The following UGT2B7 variants were observed in gnomAD, a reference collection of about 807,000 sequenced individuals.
UGT2B7 encodes UDP glucuronosyltransferase family 2 member B7.
A neutral mutation model predicts 51.9 loss-of-function variants in UGT2B7; 51 were observed. The ratio of observed to expected loss-of-function variants is 0.98; its 90% CI spans 0.78 to 1.24. UGT2B7 has a LOEUF of 1.24. UGT2B7 is among the 50% of genes most tolerant of loss of function. The probability of loss-of-function intolerance (pLI) is 0.00; values close to 1 mark genes in which losing one functional copy is unlikely to be tolerated. For synonymous variants in UGT2B7, 225 were observed against 211.6 expected (o/e 1.06, Z -0.55); for missense variants, 727 against 628.4 (o/e 1.16, Z -1.68).
intron 1 of UGT2B7, among the ~76,000 whole-genome samples, chr4:69,057,669 A>C (rs547574304): frequency 1.1e-4 from 17 of 152,308 alleles, no homozygotes; most frequent in African/African-American, 4.1e-4. Flanking sequence ...ACCGGGTCCG[A>C]CTGGTCTAAA....
At chr4:69,107,361 A>T (rs1460140819) in intron 4 of UGT2B7, 99 bp downstream of exon 4, 9 of 1,312,430 alleles carry the variant, frequency 6.9e-6, no homozygotes, top group Non-Finnish European at 9.4e-6. Flanking sequence ...TTGTTAAGGA[A>T]AAACAAAATG....
intron 1 of UGT2B7, among the ~76,000 whole-genome samples, chr4:69,061,391 A>G (rs1019624795): frequency 2.6e-5 from 4 of 152,244 alleles, no homozygotes; most frequent in African/African-American, 9.6e-5. Context: ...TTAGAGGCTA[A>G]AGGAAACAGA....
chr4:69,051,986 G>T (rs1488579411), intron 1 of UGT2B7, among the ~76,000 whole-genome samples: 1 of 152,024 alleles, frequency 6.6e-6, no homozygotes, highest in South Asian at 2.1e-4. Context: ...GTGGTGTTTT[G>T]CCTCGAAAAA....
At chr4:69,107,304 C>G (rs758119303) in intron 4 of UGT2B7, 42 bp downstream of exon 4, 3 of 1,539,534 alleles carry the variant, frequency 1.9e-6, no homozygotes, top group Non-Finnish European at 2.7e-6. Flanking sequence ...TTAGTAACAG[C>G]ACATTAGAGT....
intron 1 of UGT2B7, among the ~76,000 whole-genome samples, chr4:69,054,068 G>T (rs1718116082): frequency 1.3e-5 from 2 of 151,966 alleles, no homozygotes; most frequent in South Asian, 2.1e-4. Flanking sequence ...TCAATATTTT[G>T]GTAGATGACA....
chr4:69,055,784 T>C (rs531107864), intron 1 of UGT2B7, among the ~76,000 whole-genome samples: 203 of 152,292 alleles, frequency 1.3e-3, no homozygotes, highest in African/African-American at 4.8e-3. Context: ...ATCTCTAGGT[T>C]CTAAAAGTCT....
chr4:69,102,107 C>T (rs1300930615), intron 2 of UGT2B7, among the ~76,000 whole-genome samples: 2 of 152,160 alleles, frequency 1.3e-5, no homozygotes, highest in African/African-American at 4.8e-5. Flanking sequence ...ATAAATGAGA[C>T]TCCTGGACTA....
Position 69,098,687 on chromosome 4 carries a change from A to C in UGT2B7, c.869A>C (p.Lys290Thr). 2 of 1,607,642 alleles carry C rather than the reference A, an allele frequency of 1.2e-6. No homozygotes were observed. Among genetic ancestry groups the C allele is most frequent in the Non-Finnish European group, 1.7e-6 (2 of 1,177,972 alleles). ...LHCKPAKPLPKEMEDFVQSSG... is the reference protein window; with the variant it reads ...LHCKPAKPLPTEMEDFVQSSG... ...TGCAAACCTGCCAAACCCCTGCCTAAGGTAAACATACTTTTGTTGGTTTTA... is the reference window on the plus strand; with the variant it reads ...TGCAAACCTGCCAAACCCCTGCCTACGGTAAACATACTTTTGTTGGTTTTA... Residue 290 changes from lysine (K) to threonine (T), a missense_variant and splice_region_variant, in exon 2 of 6, where the codon AAG (lysine) becomes ACG (threonine). Lys to Thr is a moderately conservative substitution (Grantham distance 78). Transcript: ENST00000305231.
At chr4:69,099,503 T>C (rs1719359760) in intron 2 of UGT2B7, among the ~76,000 whole-genome samples, 1 of 151,996 alleles carries the variant, frequency 6.6e-6, no homozygotes, top group Non-Finnish European at 1.5e-5. Flanking sequence ...ATGGATTAAA[T>C]TGCAGGAGGG....
chr4:69,104,430 G>T (rs1719530665), intron 3 of UGT2B7, among the ~76,000 whole-genome samples: 1 of 151,792 alleles, frequency 6.6e-6, no homozygotes, highest in Admixed American at 6.6e-5. Context: ...TTCCCGTATG[G>T]TTAGTTTTTT....
chr4:69,078,971 G>A (rs949855428), intron 1 of UGT2B7, among the ~76,000 whole-genome samples: 11 of 152,134 alleles, frequency 7.2e-5, no homozygotes, highest in Admixed American at 2.0e-4. Flanking sequence ...CACAAAGCAA[G>A]ACTACTGGGC....
upstream of UGT2B7, among the ~76,000 whole-genome samples, chr4:69,095,898 C>G (rs968027269): frequency 2.0e-5 from 3 of 152,002 alleles, no homozygotes; most frequent in African/African-American, 7.3e-5. Context: ...ATAGGCAAAT[C>G]TATAGAGATA....
intron 1 of UGT2B7, among the ~76,000 whole-genome samples, chr4:69,061,548 G>A (rs1295023944): frequency 6.6e-6 from 1 of 152,204 alleles, no homozygotes. Context: ...ATTTGCCCAG[G>A]AAAATGGGAA....
At chr4:69,082,853 T>C (rs1285410084) in intron 1 of UGT2B7, among the ~76,000 whole-genome samples, 1 of 152,104 alleles carries the variant, frequency 6.6e-6, no homozygotes, top group Non-Finnish European at 1.5e-5. Context: ...CATCTGAGAC[T>C]TTGATAGCTA....
chr4:69,094,502 C>T (rs1719167817), upstream of UGT2B7, among the ~76,000 whole-genome samples: 1 of 152,154 alleles, frequency 6.6e-6, no homozygotes, highest in Non-Finnish European at 1.5e-5. Flanking sequence ...CATATTAAGT[C>T]TGCAATAATA....
chr4:69,064,971 A>G (rs1330480509), intron 1 of UGT2B7, among the ~76,000 whole-genome samples: 4 of 152,128 alleles, frequency 2.6e-5, no homozygotes, highest in Non-Finnish European at 5.9e-5. Flanking sequence ...AACAGATATC[A>G]CCAAATTCTG....
intron 2 of UGT2B7, 146 bp from the exon 3 acceptor site, chr4:69,102,661 G>A: frequency 7.9e-7 from 1 of 1,265,640 alleles, no homozygotes; most frequent in Non-Finnish European, 1.1e-6. Context: ...AAAAAACTGA[G>A]TGATTGGGTC....
At chr4:69,098,950 C>T (rs538300850) in intron 2 of UGT2B7, among the ~76,000 whole-genome samples, 10 of 151,732 alleles carry the variant, frequency 6.6e-5, no homozygotes, top group Non-Finnish European at 1.3e-4. Flanking sequence ...TATGCAATAC[C>T]TAAGAAGGTA....
chr4:69,080,765 T>G (rs1178276309), intron 1 of UGT2B7, among the ~76,000 whole-genome samples: 1 of 152,096 alleles, frequency 6.6e-6, no homozygotes, highest in African/African-American at 2.4e-5. Flanking sequence ...CTTTACACAC[T>G]CCTCACCATG....
Sources: allele counts gnomAD v4.1 joint callset (sites outside exome capture counted in the v4.1 genomes callset), GRCh38; gene constraint gnomAD v4.1.1; transcripts MANE v1.5; gene names NCBI Gene and HGNC (gene_info 2026-07-23, HGNC 2026-07-21).